CDC73: variants seen among roughly 807,000 people sequenced by gnomAD.
CDC73 encodes the protein cell division cycle 73.
A neutral mutation model predicts 83.7 loss-of-function variants in CDC73; 21 were observed. The observed-to-expected ratio is 0.25, with a 90% CI of 0.18 to 0.36. CDC73 has a LOEUF of 0.36. CDC73 is among the 10% of genes least tolerant of loss of function. CDC73 has a pLI of 1.00. For missense variants in CDC73, 342 were observed against 653.3 expected, an observed-to-expected ratio of 0.52 and a Z score of 5.19; for synonymous variants, 224 against 212.9, an observed-to-expected ratio of 1.05 and a Z score of -0.45.
chr1:193,122,617 C>T, intron 1 of CDC73: 1 of 394,732 alleles, frequency 2.5e-6, no homozygotes. Context: ...GTATGTGTAC[C>T]AGCGAAGTGT....
intron 6 of CDC73, among the ~76,000 whole-genome samples, chr1:193,140,691 C>G (rs1675889309): frequency 6.6e-6 from 1 of 152,156 alleles, no homozygotes; most frequent in East Asian, 1.9e-4. Context: ...ACAAAGGGAT[C>G]ATTCGTGTCC....
At chr1:193,240,556 G>A (rs1677839575) in intron 15 of CDC73, among the ~76,000 whole-genome samples, 1 of 152,130 alleles carries the variant, frequency 6.6e-6, no homozygotes. Flanking sequence ...TCTAATTGGG[G>A]TAAGATGATA....
At chr1:193,192,619 C>T (rs374392232) in intron 10 of CDC73, among the ~76,000 whole-genome samples, 3 of 152,060 alleles carry the variant, frequency 2.0e-5, no homozygotes, top group South Asian at 2.1e-4. Flanking sequence ...AGGAACTTTG[C>T]GAAGTGCCGG....
At chr1:193,202,923 A>G (rs1558309462) in intron 10 of CDC73, among the ~76,000 whole-genome samples, 1 of 151,976 alleles carries the variant, frequency 6.6e-6, no homozygotes, top group African/African-American at 2.4e-5. Flanking sequence ...TGTGATGCTA[A>G]TATTGATTTT....
intron 15 of CDC73, among the ~76,000 whole-genome samples, chr1:193,249,183 C>T (rs189834338): frequency 6.6e-6 from 1 of 152,122 alleles, no homozygotes; most frequent in East Asian, 1.9e-4. Context: ...CAGCCATCAA[C>T]ATTGAGGCAT....
chr1:193,172,584 A>AT (rs1215900931), intron 10 of CDC73, among the ~76,000 whole-genome samples: 2 of 152,112 alleles, frequency 1.3e-5, no homozygotes, highest in South Asian at 2.1e-4. Context: ...AGTTCTTGTC[A>AT]TTTTTTTGAC....
Position 193,232,976 on chromosome 1 carries a change from T to C in CDC73, c.1155-17T>C. On this transcript the variant is annotated splice_polypyrimidine_tract_variant and intron_variant, in intron 13 of 16. Coordinates refer to ENST00000367435, the MANE Select transcript of CDC73 (RefSeq NM_024529.5). Reference sequence around the variant, plus strand: ...CGTGGAATACATTGACTTTTTCTCATCTCTGTTTTTTCAAAGATTTGTCCC... The same window carrying C: ...CGTGGAATACATTGACTTTTTCTCACCTCTGTTTTTTCAAAGATTTGTCCC... The C allele has an allele frequency of 6.2e-7, 1 of 1,608,434 alleles. No individual in the cohort carries two copies. The highest frequency in any genetic ancestry group is 8.5e-7 in the Non-Finnish European group (1 of 1,175,034).
intron 10 of CDC73, among the ~76,000 whole-genome samples, chr1:193,202,613 C>CT (rs35435159): frequency 0.38 from 47,917 of 126,354 alleles, 9,535 homozygotes; most frequent in South Asian, 0.63. Context: ...CCTCAGGTGT[C>CT]TTTTTTTTTT....
intron 11 of CDC73, among the ~76,000 whole-genome samples, chr1:193,205,647 T>A (rs74516883): frequency 4.0e-3 from 602 of 152,318 alleles, no homozygotes; most frequent in Admixed American, 5.9e-3. Flanking sequence ...TGGATGTAGT[T>A]AAGATGACAT....
intron 13 of CDC73, among the ~76,000 whole-genome samples, chr1:193,228,690 A>G (rs1677605194): frequency 6.6e-6 from 1 of 152,212 alleles, no homozygotes; most frequent in Non-Finnish European, 1.5e-5. Flanking sequence ...GATTGTACAC[A>G]CAAACTTAAA....
intron 13 of CDC73, among the ~76,000 whole-genome samples, chr1:193,224,362 A>G (rs1427139502): frequency 6.6e-6 from 1 of 151,894 alleles, no homozygotes; most frequent in African/African-American, 2.4e-5. Context: ...TATATGAAAT[A>G]TGCATTCACA....
intron 11 of CDC73, among the ~76,000 whole-genome samples, chr1:193,206,188 A>G (rs1029442293): frequency 2.6e-5 from 4 of 152,204 alleles, no homozygotes; most frequent in Admixed American, 6.5e-5. Context: ...GGGGAAGATC[A>G]TATGTGTAAA....
rs140325734 is a variant in CDC73, at chr1:193,221,860, G to A, written c.1154+9383G>A. On this transcript the variant is annotated intron_variant, in intron 13 of 16. Coordinates refer to ENST00000367435, the MANE Select transcript of CDC73 (RefSeq NM_024529.5). ...TCCCCTACAGTTTGAGTCAGCTGGA[G>A]GCTTTGCTATGTAATTAATGCATAA... 9.4e-3 allele frequency among the ~76,000 whole-genome samples: 1,436 copies of A among 152,184 alleles called. 15 individuals are homozygous for A. Among genetic ancestry groups the A allele is most frequent in the South Asian group, 0.034 (162 of 4,818 alleles).
intron 10 of CDC73, among the ~76,000 whole-genome samples, chr1:193,171,358 T>TA (rs1676515973): frequency 1.3e-5 from 2 of 152,310 alleles, no homozygotes; most frequent in South Asian, 4.1e-4. Flanking sequence ...GGCCTCCACT[T>TA]AGAGTCTCAT....
At chr1:193,243,909 C>T (rs993401860) in intron 15 of CDC73, among the ~76,000 whole-genome samples, 4 of 152,068 alleles carry the variant, frequency 2.6e-5, no homozygotes, top group African/African-American at 9.7e-5. Context: ...TAGTTGTTAA[C>T]ATCAAAAGCC....
At chr1:193,151,948 T>C (rs1676120627) in intron 9 of CDC73, among the ~76,000 whole-genome samples, 1 of 152,000 alleles carries the variant, frequency 6.6e-6, no homozygotes, top group Admixed American at 6.6e-5. Context: ...AAAAAATATA[T>C]ATGTATGTAT....
intron 10 of CDC73, among the ~76,000 whole-genome samples, chr1:193,169,877 T>C (rs950697931): frequency 3.9e-5 from 6 of 152,144 alleles, no homozygotes; most frequent in African/African-American, 1.4e-4. Flanking sequence ...GGGGGTTTGT[T>C]GTACAGATTA....
chr1:193,175,987 G>A (rs1322107493), intron 10 of CDC73, among the ~76,000 whole-genome samples: 1 of 152,160 alleles, frequency 6.6e-6, no homozygotes, highest in African/African-American at 2.4e-5. Context: ...CTGTTAGGAA[G>A]AAGATTGTAG....
chr1:193,207,867 A>G (rs1572199572), intron 11 of CDC73, among the ~76,000 whole-genome samples: 2 of 152,228 alleles, frequency 1.3e-5, no homozygotes, highest in Admixed American at 6.5e-5. Context: ...AAGAAATTAT[A>G]AGAGTATTAT....
Sources: allele counts gnomAD v4.1 joint callset (sites outside exome capture counted in the v4.1 genomes callset), GRCh38; gene constraint gnomAD v4.1.1; transcripts MANE v1.5; gene names NCBI Gene and HGNC (gene_info 2026-07-23, HGNC 2026-07-21).